Variants in RAB27A observed in about 807,000 individuals in gnomAD.
The protein encoded by RAB27A is ras-related protein Rab-27A.
A neutral mutation model predicts 20.8 loss-of-function variants in RAB27A; 17 were observed. That is an observed-to-expected ratio of 0.82 (90% confidence interval 0.56 to 1.23). The LOEUF (loss-of-function observed/expected upper bound fraction) is 1.23. Among genes scored for constraint, RAB27A ranks in the 50% most tolerant of loss-of-function variants. The probability of loss-of-function intolerance (pLI) is 0.00; values close to 1 mark genes in which losing one functional copy is unlikely to be tolerated. For missense variants in RAB27A, 277 were observed against 266.7 expected (o/e 1.04, Z -0.27); for synonymous variants, 85 against 92.8 (o/e 0.92, Z 0.48).
At chr15:55,308,039 A>T (rs2055005610) in intron 2 of RAB27A, among the ~76,000 whole-genome samples, 1 of 152,192 alleles carries the variant, frequency 6.6e-6, no homozygotes, top group Middle Eastern at 3.4e-3. Context: ...GAGGTTCCCC[A>T]TTCTATTTCT....
intron 2 of RAB27A, among the ~76,000 whole-genome samples, chr15:55,299,315 C>T (rs763586166): frequency 5.3e-5 from 8 of 152,200 alleles, no homozygotes; most frequent in Admixed American, 1.3e-4. Flanking sequence ...GCAACAGGGC[C>T]GGCCACGGTG....
At chr15:55,296,783 T>C (rs1385144125) in intron 2 of RAB27A, among the ~76,000 whole-genome samples, 1 of 152,150 alleles carries the variant, frequency 6.6e-6, no homozygotes, top group Non-Finnish European at 1.5e-5. Flanking sequence ...CCATGGTCCC[T>C]GCCCAGCTTT....
intron 6 of RAB27A, among the ~76,000 whole-genome samples, chr15:55,210,412 G>GTGTT (rs1555391924): frequency 2.3e-5 from 3 of 128,014 alleles, no homozygotes; most frequent in African/African-American, 9.0e-5. Flanking sequence ...TTTAGGTGTG[G>GTGTT]TTTTTTTTTT....
intron 1 of RAB27A, among the ~76,000 whole-genome samples, chr15:55,288,323 C>A (rs576885092): frequency 2.0e-5 from 3 of 152,012 alleles, no homozygotes; most frequent in Non-Finnish European, 4.4e-5. Context: ...GAGTTCAAGA[C>A]CAGCCTGGCC....
chr15:55,291,695 G>A (rs1595752678), upstream of RAB27A, among the ~76,000 whole-genome samples: 2 of 152,204 alleles, frequency 1.3e-5, no homozygotes, highest in East Asian at 3.9e-4. Flanking sequence ...CTGTGGCCAG[G>A]CAAGGCTCTC....
intron 5 of RAB27A, among the ~76,000 whole-genome samples, chr15:55,227,865 T>C (rs1437764612): frequency 1.3e-5 from 2 of 152,206 alleles, no homozygotes; most frequent in African/African-American, 4.8e-5. Flanking sequence ...TTTAAAGATT[T>C]AGATGTTAAG....
chr15:55,257,329 G>C (rs570166399), intron 2 of RAB27A, among the ~76,000 whole-genome samples: 1 of 152,174 alleles, frequency 6.6e-6, no homozygotes, highest in Non-Finnish European at 1.5e-5. Flanking sequence ...CCTTGAGACA[G>C]AGGCAGAGTA....
At position 55,217,610 on chromosome 15, in the gene RAB27A, A is replaced by T. The variant is rs143211646; in HGVS notation, c.467+6279T>A. ...AACCTGGGAGGCAGAGGTTACAGTG[A>T]GCCAAGATCGTGTCACTGCACTCCA... On this transcript the variant is annotated intron_variant, in intron 6 of 6. Transcript: ENST00000336787. 2.7e-3 allele frequency among the ~76,000 whole-genome samples: 372 copies of T among 136,202 alleles called. 3 individuals carry two copies. Among genetic ancestry groups the T allele is most frequent in the African/African-American group, 9.4e-3 (355 of 37,718 alleles). 89.4% of individuals were successfully genotyped at this position (136,202 alleles called of 152,430 possible).
intron 6 of RAB27A, among the ~76,000 whole-genome samples, chr15:55,217,462 T>C (rs568850266): frequency 9.0e-4 from 136 of 151,622 alleles, no homozygotes; most frequent in African/African-American, 3.2e-3. Flanking sequence ...AAGTTCAGGA[T>C]CAACCTGGCC....
intron 2 of RAB27A, among the ~76,000 whole-genome samples, chr15:55,302,294 C>T (rs1335413018): frequency 2.6e-5 from 4 of 152,182 alleles, no homozygotes; most frequent in African/African-American, 9.7e-5. Flanking sequence ...GGGCCGGTCT[C>T]CAGCCCCTAA....
chr15:55,205,257 G>A lies in RAB27A; in HGVS notation c.*250C>T. ...AATCCTTGAATGATTTACTATAATAGGCTAAGGTTGTATAAGGCACTTTTG... is the reference window on the plus strand; with the variant it reads ...AATCCTTGAATGATTTACTATAATAAGCTAAGGTTGTATAAGGCACTTTTG... On this transcript the variant is annotated 3_prime_UTR_variant, in exon 7 of 7. Transcript: ENST00000336787. The A allele has an allele frequency of 1.9e-6, 1 of 536,732 alleles. No homozygotes were observed. Among genetic ancestry groups the A allele is most frequent in the Non-Finnish European group, 3.4e-6 (1 of 297,748 alleles). 33.2% of individuals were successfully genotyped at this position (536,732 alleles called of 1,614,324 possible).
intron 5 of RAB27A, among the ~76,000 whole-genome samples, chr15:55,225,094 A>G (rs2140962113): frequency 6.6e-6 from 1 of 152,310 alleles, no homozygotes; most frequent in Non-Finnish European, 1.5e-5. Flanking sequence ...AGGTTGTTAC[A>G]CATGCTGTTC....
chr15:55,313,563 T>C (rs914730640), intron 2 of RAB27A, among the ~76,000 whole-genome samples: 2 of 152,182 alleles, frequency 1.3e-5, no homozygotes, highest in Non-Finnish European at 2.9e-5. Flanking sequence ...AATTTCTTCA[T>C]TTTCTATTTT....
intron 2 of RAB27A, among the ~76,000 whole-genome samples, chr15:55,244,620 G>A (rs1043847453): frequency 6.6e-6 from 1 of 152,106 alleles, no homozygotes; most frequent in Non-Finnish European, 1.5e-5. Flanking sequence ...AAAATATTTT[G>A]AATTTTTTAG....
chr15:55,282,923 T>C (rs1898053863), intron 1 of RAB27A, among the ~76,000 whole-genome samples: 1 of 132,158 alleles, frequency 7.6e-6, no homozygotes, highest in Non-Finnish European at 1.5e-5. Flanking sequence ...AATAAATAAA[T>C]AAATAAACAA....
intron 2 of RAB27A, among the ~76,000 whole-genome samples, chr15:55,298,204 C>CAA (rs545657585): frequency 1.5e-3 from 92 of 63,440 alleles, no homozygotes; most frequent in East Asian, 7.4e-3. Flanking sequence ...GACTCCGTCT[C>CAA]AAAAAAAAAA....
At chr15:55,261,709 CAAAA>C (rs768256540) in intron 2 of RAB27A, among the ~76,000 whole-genome samples, 2 of 18,652 alleles carry the variant, frequency 1.1e-4, no homozygotes, top group Admixed American at 5.5e-4. Flanking sequence ...CACTGCATCT[CAAAA>C]AAAAAAAAAA....
chr15:55,216,021 T>A (rs1219952055), intron 6 of RAB27A, among the ~76,000 whole-genome samples: 1 of 148,404 alleles, frequency 6.7e-6, no homozygotes, highest in East Asian at 2.0e-4. Flanking sequence ...TAGTAGTACA[T>A]CTTACCAACT....
chr15:55,308,462 TGAGGA>T (rs1367767842), intron 2 of RAB27A, among the ~76,000 whole-genome samples: 3 of 152,098 alleles, frequency 2.0e-5, no homozygotes, highest in Admixed American at 6.5e-5. Flanking sequence ...GTTCCCGGAG[TGAGGA>T]GATTACTTTC....
Sources: allele counts gnomAD v4.1 joint callset (sites outside exome capture counted in the v4.1 genomes callset), GRCh38; gene constraint gnomAD v4.1.1; transcripts MANE v1.5; gene names NCBI Gene and HGNC (gene_info 2026-07-23, HGNC 2026-07-21).